The following TBC1D23 variants were observed in gnomAD, a reference collection of about 807,000 sequenced individuals.
The protein encoded by TBC1D23 is HCV non-structural protein 4A-transactivated protein 1.
TBC1D23 carries 55 observed loss-of-function variants against 91.4 expected under a neutral mutation model. That is an observed-to-expected ratio of 0.60 (90% CI 0.48 to 0.75). TBC1D23 has a LOEUF of 0.75. Ranked by LOEUF, TBC1D23 falls within the 30% of genes least tolerant of loss-of-function variation. TBC1D23 has a pLI of 0.00. For missense variants in TBC1D23, 725 were observed against 836.1 expected, an observed-to-expected ratio of 0.87 and a Z score of 1.64; for synonymous variants, 289 against 281.0, an observed-to-expected ratio of 1.03 and a Z score of -0.28.
intron 8 of TBC1D23, 90 bp from the exon 9 acceptor site, chr3:100,297,833 T>C: frequency 8.8e-7 from 1 of 1,135,416 alleles, no homozygotes; most frequent in Non-Finnish European, 1.2e-6. Flanking sequence ...GTATTATAAT[T>C]TTACCTTTTA....
At chr3:100,281,695 T>A in intron 2 of TBC1D23, 47 bp from the exon 3 acceptor site, 1 of 1,202,988 alleles carries the variant, frequency 8.3e-7, no homozygotes, top group East Asian at 2.4e-5. Flanking sequence ...TTTCCAAGAA[T>A]GAGGAATAAC....
chr3:100,307,305 A>C (rs1705532955), intron 13 of TBC1D23, among the ~76,000 whole-genome samples: 1 of 152,192 alleles, frequency 6.6e-6, no homozygotes. Flanking sequence ...TAGAAGGAAA[A>C]CTGCAGTACA....
chr3:100,293,104 A>AGTTT (rs56925154), intron 5 of TBC1D23, among the ~76,000 whole-genome samples: 14,524 of 150,428 alleles, frequency 0.097, 742 homozygotes, highest in Admixed American at 0.12. Flanking sequence ...TATGCCAGAT[A>AGTTT]GTTTGTTTGT....
At chr3:100,315,987 G>T in intron 15 of TBC1D23, 112 bp from the exon 16 acceptor site, 1 of 807,576 alleles carries the variant, frequency 1.2e-6, no homozygotes. Context: ...GGGTTTTGGG[G>T]GGGTCAGGTA....
intron 16 of TBC1D23, among the ~76,000 whole-genome samples, chr3:100,317,870 A>G (rs890998353): frequency 7.9e-5 from 12 of 152,166 alleles, no homozygotes; most frequent in African/African-American, 2.9e-4. Flanking sequence ...GTATGTATGA[A>G]TTTCAGATGT....
At chr3:100,321,074 G>T (rs1002785301) in intron 18 of TBC1D23, 103 bp downstream of exon 18, 2 of 840,120 alleles carry the variant, frequency 2.4e-6, no homozygotes, top group African/African-American at 1.7e-5. Context: ...AATGGATGGT[G>T]GAATAGGATA....
intron 12 of TBC1D23, among the ~76,000 whole-genome samples, chr3:100,306,203 G>A (rs1049828898): frequency 2.6e-5 from 4 of 152,146 alleles, no homozygotes; most frequent in Non-Finnish European, 4.4e-5. Context: ...TCACATTGGC[G>A]TCAGTTAAGA....
chr3:100,294,967 G>A (rs998897731), intron 5 of TBC1D23, 120 bp from the exon 6 acceptor site: 30 of 958,214 alleles, frequency 3.1e-5, no homozygotes, highest in African/African-American at 1.8e-4. Context: ...ATTAAGGTAC[G>A]CATTAAATAT....
chr3:100,303,743 C>CT, intron 11 of TBC1D23, among the ~76,000 whole-genome samples: 1 of 152,252 alleles, frequency 6.6e-6, no homozygotes, highest in South Asian at 2.1e-4. Flanking sequence ...GTACTCCAGC[C>CT]TGGGTGACAG....
rs146062099 is a variant in TBC1D23, at chr3:100,310,417, T to C, written c.1428T>C (p.Asn476=). 5 of 1,612,082 alleles carry C rather than the reference T, an allele frequency of 3.1e-6. No homozygotes were observed. In the South Asian group the frequency reaches 4.4e-5, roughly 14 times the overall value. The change falls in exon 14 of 19, where the codon AAT becomes AAC. Residue 476 remains asparagine, a synonymous_variant. Transcript: ENST00000394144. ...TCTTTTTTTAGGGTGAATCTCCTAATGGCTCAAGTGATAGAGGAATGAAAT... is the reference window on the plus strand; with the variant it reads ...TCTTTTTTTAGGGTGAATCTCCTAACGGCTCAAGTGATAGAGGAATGAAAT... ...SINSVDGESP[N]GSSDRGMKSL...
At chr3:100,282,780 A>G (rs891882377) in intron 3 of TBC1D23, among the ~76,000 whole-genome samples, 4 of 152,232 alleles carry the variant, frequency 2.6e-5, no homozygotes, top group African/African-American at 9.6e-5. Flanking sequence ...TGCCAAAATT[A>G]TAGCAACAAC....
rs1285685873 is a variant in TBC1D23, at chr3:100,290,599, A to C, written c.498A>C (p.Arg166Ser). The change falls in exon 5 of 19, where the codon AGA becomes AGC. Residue 166 changes from arginine to serine, a missense_variant. By Grantham distance (110) the Arg-to-Ser change is moderately radical. Transcript: ENST00000394144. ...YIPRDCSQKG[R>S]PFHLFRLLIQ... ...CTAGGGATTGTTCCCAGAAAGGGAG[A>C]CCATTTCATCTCTTCAGGTTGCTCA... 6.2e-7 allele frequency: 1 copy of C among 1,613,618 alleles called. No individual in the cohort carries two copies. Among genetic ancestry groups the C allele is most frequent in the Non-Finnish European group, 8.5e-7 (1 of 1,179,828 alleles).
At chr3:100,289,124 G>A (rs980558204) in intron 4 of TBC1D23, among the ~76,000 whole-genome samples, 1 of 151,812 alleles carries the variant, frequency 6.6e-6, no homozygotes, top group African/African-American at 2.4e-5. Flanking sequence ...GAGGTGGGAG[G>A]GTGGTTTGAG....
chr3:100,310,181 A>G (rs1480932055), intron 13 of TBC1D23, among the ~76,000 whole-genome samples: 2 of 152,216 alleles, frequency 1.3e-5, no homozygotes, highest in Non-Finnish European at 2.9e-5. Flanking sequence ...GACACCAGTC[A>G]GACTGGATTA....
chr3:100,286,501 C>CTTTTTTTTTTT (rs11370481), intron 4 of TBC1D23, among the ~76,000 whole-genome samples: 2 of 146,364 alleles, frequency 1.4e-5, no homozygotes, highest in Non-Finnish European at 1.5e-5. Flanking sequence ...AACATATCTT[C>CTTTTTTTTTTT]TTTTTTTTTT....
rs112903648 is a variant in TBC1D23 at position 100,302,521 on chromosome 3, G to A, written c.1263+284G>A. Among the ~76,000 whole-genome samples, 667 of 152,062 alleles carry A rather than the reference G, an allele frequency of 4.4e-3. 2 individuals carry two copies. Among genetic ancestry groups the A allele is most frequent in the Middle Eastern group, 0.017 (5 of 294 alleles). On this transcript the variant is annotated intron_variant, in intron 11 of 18. Coordinates refer to ENST00000394144, the MANE Select transcript of TBC1D23 (RefSeq NM_001199198.3). ...TGAAATACCACCTTATTAATATACC[G>A]AGTTCCTCTATGCATCAAGATCTAT...
At chr3:100,281,256 G>A (rs889697918) in intron 2 of TBC1D23, among the ~76,000 whole-genome samples, 2 of 152,022 alleles carry the variant, frequency 1.3e-5, no homozygotes, top group Non-Finnish European at 1.5e-5. Context: ...GTTTAAATTT[G>A]AATTCTAGTA....
At chr3:100,311,621 T>C (rs974072829) in intron 14 of TBC1D23, among the ~76,000 whole-genome samples, 8 of 152,218 alleles carry the variant, frequency 5.3e-5, no homozygotes, top group Non-Finnish European at 1.0e-4. Flanking sequence ...TTTTAAAATG[T>C]ACTGGTGATA....
At chr3:100,311,767 T>G in intron 14 of TBC1D23, 66 bp from the exon 15 acceptor site, 1 of 1,087,898 alleles carries the variant, frequency 9.2e-7, no homozygotes, top group South Asian at 1.3e-5. Context: ...CCATATTTTT[T>G]GTTTTAAAGC....
Sources: gnomAD v4.1 joint callset for allele counts (sites outside exome capture counted in the v4.1 genomes callset) on GRCh38, gnomAD v4.1.1 for gene constraint, MANE v1.5 for transcripts, NCBI Gene and HGNC (gene_info 2026-07-23, HGNC 2026-07-21) for gene names.